The following ATG2B variants were observed in gnomAD, a reference collection of about 807,000 sequenced individuals.
ATG2B encodes autophagy-related protein 2 homolog B.
A neutral mutation model predicts 241.3 loss-of-function variants in ATG2B; 121 were observed. That is an observed-to-expected ratio of 0.50 (90% confidence interval 0.43 to 0.58). The LOEUF is 0.58. ATG2B is among the 20% of genes least tolerant of loss of function. The probability of loss-of-function intolerance (pLI) is 0.00; values close to 1 mark genes in which losing one functional copy is unlikely to be tolerated. For missense variants in ATG2B, 2,306 were observed against 2,491.6 expected (o/e 0.93, Z 1.59); for synonymous variants, 858 against 876.6 (o/e 0.98, Z 0.37).
In ATG2B at chr14:96,289,142, C is replaced by T. The variant is rs768978468; in HGVS notation, c.6006+514G>A. Among the ~76,000 whole-genome samples the T allele has an allele frequency of 3.3e-5, 5 of 152,216 alleles. No individual in the cohort carries two copies. The East Asian group carries it at 7.7e-4, about 23-fold the overall frequency. ...AGAATGAGACACATAACACCATTTA[C>T]GGAAACTTTTAAAACATTAACACTA... On this transcript the variant is annotated intron_variant, in intron 41 of 41. Coordinates refer to ENST00000359933, the MANE Select transcript of ATG2B (RefSeq NM_018036.7). The surrounding 1 kb of genome is among the most constrained non-coding windows in gnomAD (Gnocchi z 4.3).
intron 23 of ATG2B, among the ~76,000 whole-genome samples, chr14:96,314,765 A>G (rs1887259612): frequency 6.6e-6 from 1 of 152,242 alleles, no homozygotes; most frequent in Admixed American, 6.5e-5. Flanking sequence ...CAGTGGCACG[A>G]TCTCAGCTCA....
intron 23 of ATG2B, 80 bp from the exon 24 acceptor site, chr14:96,313,515 C>A: frequency 8.6e-6 from 5 of 582,612 alleles, no homozygotes; most frequent in South Asian, 3.8e-5. Context: ...CCAATGTAAA[C>A]CAGAATATCT....
chr14:96,306,203 T>A (rs574002927), intron 30 of ATG2B, among the ~76,000 whole-genome samples: 9 of 152,306 alleles, frequency 5.9e-5, no homozygotes, highest in African/African-American at 1.7e-4. Context: ...TTATCCTGAG[T>A]TTGATTGTTT....
intron 26 of ATG2B, 64 bp from the exon 27 acceptor site, chr14:96,311,682 C>T (rs1163858630): frequency 8.2e-6 from 8 of 973,378 alleles, no homozygotes; most frequent in African/African-American, 1.6e-5. Context: ...ATCCAACCAA[C>T]ACCCAATACA....
At chr14:96,297,627 G>A (rs1162962849) in intron 34 of ATG2B, among the ~76,000 whole-genome samples, 1 of 152,060 alleles carries the variant, frequency 6.6e-6, no homozygotes, top group Admixed American at 6.6e-5. Flanking sequence ...TCGAACCCCT[G>A]ACCTCGTGAT....
intron 6 of ATG2B, among the ~76,000 whole-genome samples, chr14:96,340,983 A>C (rs561068423): frequency 1.5e-4 from 23 of 151,930 alleles, no homozygotes; most frequent in African/African-American, 5.5e-4. Flanking sequence ...ATTTTATGTC[A>C]AAAAATTTTA....
chr14:96,300,269 C>CA (rs1160516456), intron 34 of ATG2B, among the ~76,000 whole-genome samples: 1 of 152,100 alleles, frequency 6.6e-6, no homozygotes, highest in Non-Finnish European at 1.5e-5. Flanking sequence ...CCTATCATCC[C>CA]AGCACTTTGG....
intron 36 of ATG2B, among the ~76,000 whole-genome samples, chr14:96,294,336 C>A (rs1407758262): frequency 3.3e-5 from 5 of 152,212 alleles, no homozygotes; most frequent in Non-Finnish European, 4.4e-5. Context: ...AAGCCACCAT[C>A]CCTACCATCC....
chr14:96,290,032 G>T lies in ATG2B; in HGVS notation c.5857-227C>A. The stretch of plus-strand genomic sequence containing the variant: ...ACACCTGGATTGAGCTAAATTTTTA[G>T]CCCCTCCTCTGTTCACTGAGAACAC... On this transcript the variant is annotated intron_variant, in intron 40 of 41. Coordinates refer to ENST00000359933, the MANE Select transcript of ATG2B (RefSeq NM_018036.7). The surrounding 1 kb of genome is among the most constrained non-coding windows in gnomAD (Gnocchi z 4.4). The T allele has an allele frequency of 2.0e-6, 2 of 991,262 alleles. No homozygotes were observed. The highest frequency in any genetic ancestry group is 2.7e-6 in the Non-Finnish European group (2 of 727,806). 61.4% of individuals were successfully genotyped at this position (991,262 alleles called of 1,614,324 possible).
At chr14:96,317,403 T>A (rs1330693065) in intron 19 of ATG2B, 86 bp from the exon 20 acceptor site, 1 of 1,179,246 alleles carries the variant, frequency 8.5e-7, no homozygotes, top group Non-Finnish European at 1.2e-6. Flanking sequence ...TTATATAACC[T>A]GCTTAGTTTT....
At chr14:96,332,708 T>C in intron 8 of ATG2B, 53 bp from the exon 9 acceptor site, 1 of 1,421,988 alleles carries the variant, frequency 7.0e-7, no homozygotes, top group Non-Finnish European at 9.4e-7. Context: ...AATTCAAGTC[T>C]TTTAAGTAAG....
intron 1 of ATG2B, 63 bp downstream of exon 1, chr14:96,362,752 C>G: frequency 6.6e-7 from 1 of 1,523,530 alleles, no homozygotes; most frequent in Non-Finnish European, 8.8e-7. Context: ...TTGGATGGCA[C>G]TGGTTCAAAG....
chr14:96,328,440 G>A lies in ATG2B; in HGVS notation c.2070C>T (p.Asp690=), dbSNP rs375876121. The change falls in exon 14 of 42, where the codon GAC becomes GAT. Residue 690 remains aspartate, a synonymous_variant. Coordinates refer to ENST00000359933, the MANE Select transcript of ATG2B (RefSeq NM_018036.7). The stretch of plus-strand genomic sequence containing the variant: ...GTGGTTGAAGCAAGGAATTTAACCT[G>A]TCCACAATACTGATATCCAGCTCAC... ...VCCELDISIV[D]RLNSLLQPQK... 8.3e-5 allele frequency: 134 copies of A among 1,613,158 alleles called. No homozygotes were observed. Among genetic ancestry groups the A allele is most frequent in the Non-Finnish European group, 1.1e-4 (128 of 1,179,740 alleles).
At chr14:96,339,500 T>C (rs1887956430) in intron 6 of ATG2B, among the ~76,000 whole-genome samples, 1 of 151,834 alleles carries the variant, frequency 6.6e-6, no homozygotes, top group Non-Finnish European at 1.5e-5. Flanking sequence ...CATATACAAA[T>C]ATATGTATAT....
chr14:96,327,885 C>A (rs777105918), intron 14 of ATG2B, among the ~76,000 whole-genome samples: 1 of 152,106 alleles, frequency 6.6e-6, no homozygotes, highest in Non-Finnish European at 1.5e-5. Flanking sequence ...TGCAGTGATG[C>A]GATCTAACTG....
chr14:96,295,978 G>A (rs932399577), intron 34 of ATG2B, among the ~76,000 whole-genome samples: 2 of 151,714 alleles, frequency 1.3e-5, no homozygotes, highest in African/African-American at 4.8e-5. Flanking sequence ...TTTTTGAGAC[G>A]GAGTCTCGCT....
intron 15 of ATG2B, 183 bp from the exon 16 acceptor site, chr14:96,324,181 GTT>G: frequency 1.8e-6 from 1 of 552,878 alleles, no homozygotes; most frequent in South Asian, 2.3e-5. Context: ...TAAAGATTCT[GTT>G]TTGTGTTCAA....
rs1886836175 is a variant in ATG2B, at chr14:96,303,049, G to GTTAA, written c.5037+8_5037+11dup. The GTTAA allele has an allele frequency of 2.6e-6, 4 of 1,542,996 alleles. No homozygotes were observed. The East Asian group carries it at 9.5e-5, about 37-fold the overall frequency. Reference sequence around the variant, plus strand: ...AAAACTAACATAACACAACGATGAGGTTAACTCTTACCATGTTGGAGTGAG... The same window carrying GTTAA: ...AAAACTAACATAACACAACGATGAGGTTAATTAACTCTTACCATGTTGGAGTGAG... On this transcript the variant is annotated intron_variant, in intron 33 of 41. Coordinates refer to ENST00000359933, the MANE Select transcript of ATG2B (RefSeq NM_018036.7).
rs752967956 is a variant in ATG2B, at chr14:96,362,870, C to A, written c.107G>T (p.Ser36Ile). 1 of 1,613,398 alleles carries A rather than the reference C, an allele frequency of 6.2e-7. No homozygotes were observed. Among genetic ancestry groups the A allele is most frequent in the Admixed American group, 1.7e-5 (1 of 60,034 alleles). ...LQEKLSLEQL[S>I]LDLYQGTGSL... ...CCCGGTGCCTTGGTACAGGTCCAGG[C>A]TGAGCTGCTCCAGGCTCAGCTTCTC... is the stretch of plus-strand genomic sequence containing the variant. The change falls in exon 1 of 42, where the codon AGC becomes ATC. Residue 36 changes from serine to isoleucine, a missense_variant. Physicochemically the swap from Ser to Ile is moderately radical, Grantham distance 142. Coordinates refer to ENST00000359933, the MANE Select transcript of ATG2B (RefSeq NM_018036.7).
Sources: gnomAD v4.1 joint callset for allele counts (sites outside exome capture counted in the v4.1 genomes callset) on GRCh38, gnomAD v4.1.1 for gene constraint, Gnocchi (gnomAD v3.1) non-coding constraint, MANE v1.5 for transcripts, NCBI Gene and HGNC (gene_info 2026-07-23, HGNC 2026-07-21) for gene names.